Variants in PTPRS observed in about 807,000 individuals in gnomAD.
PTPRS encodes the protein receptor-type tyrosine-protein phosphatase S.
A neutral mutation model predicts 215.3 loss-of-function variants in PTPRS; 63 were observed. That is an observed-to-expected ratio of 0.29 (90% CI 0.24 to 0.36). PTPRS has a LOEUF of 0.36. Ranked by LOEUF, PTPRS falls within the 10% of genes least tolerant of loss-of-function variation. The pLI is 1.00. For missense variants in PTPRS, 2,258 were observed against 2,825.8 expected (o/e 0.80, Z 4.56); for synonymous variants, 1,404 against 1,191.4 (o/e 1.18, Z -3.68).
chr19:5,212,375 G>T lies in PTPRS; in HGVS notation c.4731C>A (p.Cys1577Ter), dbSNP rs1286819853. 1 of 1,609,702 alleles carries T rather than the reference G, an allele frequency of 6.2e-7. No individual in the cohort carries two copies. The highest frequency in any genetic ancestry group is 8.5e-7 in the Non-Finnish European group (1 of 1,178,100). The change falls in exon 31 of 38, where the codon TGC becomes TGA. Residue 1577 changes from cysteine (C) to a stop codon, truncating the protein, a stop_gained. Coordinates refer to ENST00000262963, the MANE Select transcript of PTPRS (RefSeq NM_002850.4). LOFTEE classifies it high-confidence loss of function. Reference protein sequence around the residue: ...FLAFLRRVKTCNPPDAGPIVV... With the variant: ...FLAFLRRVKT The stretch of plus-strand genomic sequence containing the variant: ...CGATGGGGCCGGCATCTGGCGGGTT[G>T]CAGGTCTTGACTCTCCGCAGGAAAG...
At position 5,212,333 on chromosome 19, in the gene PTPRS, G is replaced by A. The variant is rs534253073; in HGVS notation, c.4769+4C>T. On this transcript the variant is annotated splice_donor_region_variant and intron_variant, in intron 31 of 37. Transcript: ENST00000262963. The stretch of plus-strand genomic sequence containing the variant: ...GCGGATGGGGCAGAGTGGGGTGGAC[G>A]TACCTGCAGTGAACCACGATGGGGC... 4.2e-5 allele frequency: 67 copies of A among 1,613,384 alleles called. No homozygotes were observed. The highest frequency in any genetic ancestry group is 1.7e-4 in the Admixed American group (10 of 59,954).
At chr19:5,290,243 G>T (rs1201354634) in intron 1 of PTPRS, among the ~76,000 whole-genome samples, 1 of 152,204 alleles carries the variant, frequency 6.6e-6, no homozygotes, top group East Asian at 1.9e-4. Flanking sequence ...TACAGATGAG[G>T]AAACTGAGGC....
At chr19:5,303,356 G>C (rs186930777) in intron 1 of PTPRS, among the ~76,000 whole-genome samples, 3 of 152,104 alleles carry the variant, frequency 2.0e-5, no homozygotes, top group Non-Finnish European at 4.4e-5. Context: ...CCTGGTCCCC[G>C]TGCACAAGGG....
rs1340721350 is a variant in PTPRS, at chr19:5,221,317, C to G, written c.3202-64G>C. On this transcript the variant is annotated intron_variant, in intron 19 of 37. Coordinates refer to ENST00000262963, the MANE Select transcript of PTPRS (RefSeq NM_002850.4). The stretch of plus-strand genomic sequence containing the variant: ...CATGCCCATGGACTGAGCCCCAGCT[C>G]CAGGATGAGTCCCCCACCCTGACTG... 3.2e-6 allele frequency: 5 copies of G among 1,551,334 alleles called. No homozygotes were observed. The African/African-American group carries it at 6.8e-5, about 21-fold the overall frequency.
At chr19:5,275,770 C>T (rs1599875242) in intron 2 of PTPRS, among the ~76,000 whole-genome samples, 1 of 152,164 alleles carries the variant, frequency 6.6e-6, no homozygotes, top group East Asian at 1.9e-4. Context: ...CATGGCACCA[C>T]ACTTCAACCT....
At position 5,210,985 on chromosome 19, in the gene PTPRS, G is replaced by C. The variant is rs117081609; in HGVS notation, c.5235-180C>G. On this transcript the variant is annotated intron_variant, in intron 33 of 37. Coordinates refer to ENST00000262963, the MANE Select transcript of PTPRS (RefSeq NM_002850.4). The surrounding 1 kb of genome is among the most constrained non-coding windows in gnomAD (Gnocchi z 4.5). ...TCCTGGTGATCCCATTTTGCATGTG[G>C]GGAAACCACCAGTCTCATGACAAAT... 6.6e-6 allele frequency among the ~76,000 whole-genome samples: 1 copy of C among 152,218 alleles called. No homozygotes were observed. Among genetic ancestry groups the C allele is most frequent in the Admixed American group, 6.5e-5 (1 of 15,280 alleles).
intron 1 of PTPRS, among the ~76,000 whole-genome samples, chr19:5,305,372 C>A (rs1477796383): frequency 2.0e-5 from 3 of 151,730 alleles, no homozygotes; most frequent in African/African-American, 4.8e-5. Flanking sequence ...ACAGCGAGAC[C>A]CTGTCTCTAC....
At chr19:5,251,238 A>ACCCTT (rs1445983105) in intron 9 of PTPRS, among the ~76,000 whole-genome samples, 1 of 151,488 alleles carries the variant, frequency 6.6e-6, no homozygotes, top group African/African-American at 2.4e-5. Flanking sequence ...ATTTTCTGCT[A>ACCCTT]CCCTTCTCCA....
chr19:5,230,639 T>G (rs1199914595), intron 14 of PTPRS, among the ~76,000 whole-genome samples: 2 of 152,166 alleles, frequency 1.3e-5, no homozygotes, highest in African/African-American at 4.8e-5. Flanking sequence ...TAAAAATGTT[T>G]TTGGAGGAAT....
intron 18 of PTPRS, 111 bp from the exon 19 acceptor site, chr19:5,222,331 G>C (rs1032412054): frequency 5.6e-6 from 5 of 895,000 alleles, no homozygotes; most frequent in Non-Finnish European, 8.9e-6. Context: ...GCTCCCTGTC[G>C]TCCGCTGTGC....
At chr19:5,245,696 G>A (rs543078409) in intron 10 of PTPRS, 80 bp downstream of exon 10, 23 of 1,485,854 alleles carry the variant, frequency 1.5e-5, no homozygotes, top group African/African-American at 4.2e-5. Context: ...GTGCTCCCAC[G>A]CTGCCTCCCA....
intron 30 of PTPRS, 125 bp downstream of exon 30, chr19:5,214,236 C>G (rs2041204253): frequency 1.5e-6 from 2 of 1,366,918 alleles, no homozygotes; most frequent in Non-Finnish European, 2.0e-6. Flanking sequence ...TGTAGTCAGC[C>G]TGGGTAGACA....
At chr19:5,263,111 T>C in intron 5 of PTPRS, 139 bp from the exon 6 acceptor site, 2 of 753,868 alleles carry the variant, frequency 2.7e-6, no homozygotes, top group South Asian at 3.4e-5. Flanking sequence ...CAACATTTCT[T>C]ATGATTCCTA....
At chr19:5,284,633 T>C (rs1007028878) in intron 2 of PTPRS, among the ~76,000 whole-genome samples, 3 of 151,930 alleles carry the variant, frequency 2.0e-5, no homozygotes, top group Admixed American at 2.0e-4. Context: ...TCTGAATGTA[T>C]AGGGGCATTT....
rs779302415 is a variant in PTPRS at position 5,210,722 on chromosome 19, G to A, written c.5318C>T (p.Ser1773Leu). Residue 1773 changes from serine to leucine, a missense_variant, in exon 34 of 38, where the codon TCG (serine) becomes TTG (leucine). This residue lies in a region of PTPRS where 927 missense variants were observed against 1,125.9 expected (regional missense o/e 0.82). Transcript: ENST00000262963. The surrounding 1 kb of genome is among the most constrained non-coding windows in gnomAD (Gnocchi z 4.5). ...CTTGGTCAGCATCACCACGATCGTC[G>A]AATTGTTCTCCCACAGCATGCGCCA... ...DFWRMLWENN[S>L]TIVVMLTKLR... The A allele has an allele frequency of 8.1e-6, 13 of 1,614,048 alleles. No homozygotes were observed. Among genetic ancestry groups the A allele is most frequent in the African/African-American group, 1.3e-5 (1 of 74,934 alleles).
intron 1 of PTPRS, among the ~76,000 whole-genome samples, chr19:5,330,892 C>G (rs765672121): frequency 2.0e-5 from 3 of 152,092 alleles, no homozygotes; most frequent in African/African-American, 4.8e-5. Context: ...TTGCCGGAAA[C>G]CCCGGCAGTT....
intron 25 of PTPRS, 109 bp from the exon 26 acceptor site, chr19:5,216,876 C>A: frequency 1.5e-6 from 1 of 678,960 alleles, no homozygotes; most frequent in Admixed American, 2.4e-5. Context: ...GGCAGAGCAA[C>A]GCGGACAACG....
chr19:5,294,489 C>G lies in PTPRS; in HGVS notation c.-94-8255G>C, dbSNP rs943659335. 2 of 152,218 alleles carry G rather than the reference C, an allele frequency of 1.3e-5. No individual in the cohort carries two copies. Among genetic ancestry groups the G allele is most frequent in the African/African-American group, 4.8e-5 (2 of 41,440 alleles). 9.4% of individuals were successfully genotyped at this position (152,218 alleles called of 1,614,324 possible). A position where few individuals can be genotyped will look rare whatever the true frequency, so the allele number is the denominator to read the frequency against. On this transcript the variant is annotated intron_variant, in intron 1 of 37. Coordinates refer to ENST00000262963, the MANE Select transcript of PTPRS (RefSeq NM_002850.4). The surrounding 1 kb of genome is among the most constrained non-coding windows in gnomAD (Gnocchi z 5.1). ...CCATCCTGAAGACAGACGCCCCACT[C>G]TCTAGAAGCCATTACTCAGTGGGGC...
rs1001598529 is a variant in PTPRS at position 5,293,456 on chromosome 19, G to T, written c.-94-7222C>A. On this transcript the variant is annotated intron_variant, in intron 1 of 37. Coordinates refer to ENST00000262963, the MANE Select transcript of PTPRS (RefSeq NM_002850.4). The surrounding 1 kb of genome is among the most constrained non-coding windows in gnomAD (Gnocchi z 8.4). ...GCGGAGAGCCTCCGCAGGAGTCCAT[G>T]AAACACTGAGCGAAGGGGCGCCCCA... Among the ~76,000 whole-genome samples the T allele has an allele frequency of 6.6e-6, 1 of 151,954 alleles. No homozygotes were observed. Among genetic ancestry groups the T allele is most frequent in the Non-Finnish European group, 1.5e-5 (1 of 67,942 alleles).
Sources: allele counts gnomAD v4.1 joint callset (sites outside exome capture counted in the v4.1 genomes callset), GRCh38; gene constraint gnomAD v4.1.1; regional missense constraint gnomAD v4.1.1; non-coding constraint Gnocchi (gnomAD v3.1); transcripts MANE v1.5; gene names NCBI Gene and HGNC (gene_info 2026-07-23, HGNC 2026-07-21).